Variants in LPP observed in about 807,000 individuals in gnomAD.
The protein encoded by LPP is lipoma-preferred partner.
A neutral mutation model predicts 60.4 loss-of-function variants in LPP; 38 were observed. The observed-to-expected ratio is 0.63, with a 90% CI of 0.49 to 0.83. LPP has a LOEUF of 0.83. Among genes scored for constraint, LPP ranks in the 40% least tolerant of loss-of-function variants. LPP has a pLI of 0.00. For synonymous variants in LPP, 328 were observed against 290.8 expected (o/e 1.13, Z -1.30); for missense variants, 902 against 783.6 (o/e 1.15, Z -1.80).
At chr3:188,223,052 G>A (rs1271573465) in intron 1 of LPP, among the ~76,000 whole-genome samples, 5 of 152,224 alleles carry the variant, frequency 3.3e-5, no homozygotes, top group East Asian at 1.9e-4. Flanking sequence ...TGAATTTGTC[G>A]CTGACCAGGG....
intron 8 of LPP, among the ~76,000 whole-genome samples, chr3:188,724,377 AAT>A (rs1717589059): frequency 6.6e-6 from 1 of 152,180 alleles, no homozygotes; most frequent in African/African-American, 2.4e-5. Flanking sequence ...TTTTCTGGTA[AAT>A]CCTATTCTGT....
chr3:188,791,247 C>A (rs1743637283), intron 9 of LPP, among the ~76,000 whole-genome samples: 1 of 152,200 alleles, frequency 6.6e-6, no homozygotes, highest in African/African-American at 2.4e-5. Context: ...TCCAGCCCTT[C>A]TGCCACCTAC....
chr3:188,395,898 AGTGAGACCTT>A (rs2148743471), intron 3 of LPP, among the ~76,000 whole-genome samples: 1 of 150,088 alleles, frequency 6.7e-6, no homozygotes, highest in African/African-American at 2.5e-5. Context: ...TGGGCAACAG[AGTGAGACCTT>A]GTCTCTAAAT....
At chr3:188,503,383 T>C (rs1263111691) in intron 5 of LPP, among the ~76,000 whole-genome samples, 2 of 152,290 alleles carry the variant, frequency 1.3e-5, no homozygotes, top group East Asian at 3.9e-4. Context: ...CAAATTACAA[T>C]AATATGAGAT....
intron 2 of LPP, among the ~76,000 whole-genome samples, chr3:188,281,614 A>AG (rs1742080435): frequency 6.6e-6 from 1 of 150,968 alleles, no homozygotes; most frequent in Admixed American, 6.6e-5. Context: ...AAAAAAAAAA[A>AG]AAAAAAAAGC....
intron 9 of LPP, among the ~76,000 whole-genome samples, chr3:188,841,242 C>T (rs1759887724): frequency 6.6e-6 from 1 of 152,128 alleles, no homozygotes; most frequent in South Asian, 2.1e-4. Flanking sequence ...AGGTGGATGT[C>T]TGAAGGTGGG....
intron 4 of LPP, among the ~76,000 whole-genome samples, chr3:188,481,691 T>C (rs6807090): frequency 0.77 from 116,641 of 152,074 alleles, 44,965 homozygotes; most frequent in Non-Finnish European, 0.8. Context: ...CCTTTCCAAT[T>C]TTGTGGGTCT....
At chr3:188,805,135 G>A (rs1748682357) in intron 9 of LPP, among the ~76,000 whole-genome samples, 1 of 151,908 alleles carries the variant, frequency 6.6e-6, no homozygotes, top group Admixed American at 6.6e-5. Flanking sequence ...TGTGTCATGA[G>A]GTATACTAAA....
At chr3:188,558,610 T>A (rs1560562775) in intron 6 of LPP, among the ~76,000 whole-genome samples, 1 of 152,104 alleles carries the variant, frequency 6.6e-6, no homozygotes, top group Non-Finnish European at 1.5e-5. Context: ...GGTTAGGCAA[T>A]CAACAAATGT....
At position 188,156,921 on chromosome 3, in the gene LPP, A is replaced by G. The variant is rs115110476; in HGVS notation, c.-190+2669A>G. ...ACTCGACATAGGTTACTGAATACCTATTACGTACCATTGGCAAATATGAAA... is the reference window on the plus strand; with the variant it reads ...ACTCGACATAGGTTACTGAATACCTGTTACGTACCATTGGCAAATATGAAA... On this transcript the variant is annotated intron_variant, in intron 1 of 11. Transcript: ENST00000617246. Among the ~76,000 whole-genome samples, 1,073 of 151,718 alleles carry G rather than the reference A, an allele frequency of 7.1e-3. 7 individuals are homozygous for G. The highest frequency in any genetic ancestry group is 0.012 in the Non-Finnish European group (844 of 68,028).
chr3:188,357,914 G>A (rs1264004004), intron 3 of LPP, among the ~76,000 whole-genome samples: 1 of 152,138 alleles, frequency 6.6e-6, no homozygotes, highest in Non-Finnish European at 1.5e-5. Flanking sequence ...GGCCTTGTCT[G>A]TCTTGTTTTT....
chr3:188,741,270 T>C (rs1240214282), intron 8 of LPP, among the ~76,000 whole-genome samples: 2 of 151,990 alleles, frequency 1.3e-5, no homozygotes, highest in African/African-American at 4.8e-5. Flanking sequence ...TTCTGTAATT[T>C]AAGTTTTAAA....
In LPP at chr3:188,747,698, T is replaced by C. The variant is rs192576166; in HGVS notation, c.1241-12415T>C. ...GTAATACACTAATCACTTTCAATCT[T>C]GCATATTTCCACATACTGTGTGCAC... On this transcript the variant is annotated intron_variant, in intron 8 of 11. Coordinates refer to ENST00000617246, the MANE Select transcript of LPP (RefSeq NM_001375462.1). 1.4e-4 allele frequency among the ~76,000 whole-genome samples: 21 copies of C among 152,288 alleles called. No individual in the cohort carries two copies. The East Asian group carries it at 3.9e-3, about 28-fold the overall frequency.
At chr3:188,177,939 G>T (rs1723565242) in intron 1 of LPP, among the ~76,000 whole-genome samples, 1 of 152,228 alleles carries the variant, frequency 6.6e-6, no homozygotes, top group African/African-American at 2.4e-5. Context: ...TCATGTTCAA[G>T]ATGGTTCTAA....
At chr3:188,594,330 G>C (rs968518760) in intron 6 of LPP, among the ~76,000 whole-genome samples, 4 of 152,124 alleles carry the variant, frequency 2.6e-5, no homozygotes, top group Admixed American at 2.0e-4. Flanking sequence ...GTTCAGAGTG[G>C]AATGAAAAGG....
At chr3:188,195,193 A>T (rs1729187216) in intron 1 of LPP, among the ~76,000 whole-genome samples, 1 of 151,874 alleles carries the variant, frequency 6.6e-6, no homozygotes, top group Non-Finnish European at 1.5e-5. Flanking sequence ...TGGGAGGTGG[A>T]GGTTGCAATA....
chr3:188,428,200 G>C (rs960439174), intron 4 of LPP, among the ~76,000 whole-genome samples: 5 of 152,108 alleles, frequency 3.3e-5, no homozygotes, highest in African/African-American at 9.7e-5. Flanking sequence ...TCCAGAGTGA[G>C]GTGATGCTCC....
chr3:188,407,784 G>GTTT (rs1397646143), intron 4 of LPP, among the ~76,000 whole-genome samples: 23 of 114,830 alleles, frequency 2.0e-4, no homozygotes, highest in African/African-American at 6.7e-4. Context: ...TTTTTTGTTT[G>GTTT]TTTGTTTTTT....
At chr3:188,426,944 T>A (rs1789534969) in intron 4 of LPP, among the ~76,000 whole-genome samples, 1 of 152,210 alleles carries the variant, frequency 6.6e-6, no homozygotes, top group African/African-American at 2.4e-5. Flanking sequence ...GCCTTTAGCC[T>A]GTTTACATTG....
Sources: gnomAD v4.1 joint callset for allele counts (sites outside exome capture counted in the v4.1 genomes callset) on GRCh38, gnomAD v4.1.1 for gene constraint, MANE v1.5 for transcripts, NCBI Gene and HGNC (gene_info 2026-07-23, HGNC 2026-07-21) for gene names.